The following HS1BP3 variants were observed in gnomAD, a reference collection of about 807,000 sequenced individuals.
HS1BP3 encodes the protein HCLS1-binding protein 3.
HS1BP3 carries 32 observed loss-of-function variants against 33.5 expected under a neutral mutation model. That is an observed-to-expected ratio of 0.95 (90% CI 0.72 to 1.28). HS1BP3 has a LOEUF of 1.28. Among genes scored for constraint, HS1BP3 ranks in the 50% most tolerant of loss-of-function variants. The pLI, the probability that HS1BP3 is intolerant of heterozygous loss-of-function variation, is 0.00. For missense variants in HS1BP3, 486 were observed against 502.3 expected (o/e 0.97, Z 0.31); for synonymous variants, 187 against 209.2 (o/e 0.89, Z 0.92).
intron 4 of HS1BP3, chr2:20,637,277 A>G (rs1695165896): frequency 6.6e-6 from 1 of 152,250 alleles, no homozygotes; most frequent in Admixed American, 6.5e-5. Context: ...GAGTTCAAAC[A>G]AAGCCTCACC....
At chr2:20,642,730 A>G (rs1054512196) in intron 2 of HS1BP3, among the ~76,000 whole-genome samples, 3 of 152,240 alleles carry the variant, frequency 2.0e-5, no homozygotes, top group Non-Finnish European at 4.4e-5. Context: ...TCAGGGGTTC[A>G]GGCAGGGCTT....
chr2:20,561,344 A>G (rs1336283748), intron 5 of HS1BP3, among the ~76,000 whole-genome samples: 1 of 152,242 alleles, frequency 6.6e-6, no homozygotes, highest in Non-Finnish European at 1.5e-5. Context: ...GGGCCTGCAG[A>G]GAACAGCTGC....
chr2:20,631,962 GC>G (rs1694982887), intron 4 of HS1BP3, among the ~76,000 whole-genome samples: 2 of 152,206 alleles, frequency 1.3e-5, no homozygotes, highest in Non-Finnish European at 2.9e-5. Context: ...AGCCTCTGCA[GC>G]AGTCAGCCCC....
rs564802000 is a variant in HS1BP3 at position 20,580,906 on chromosome 2, T to C, written c.303-20391A>G. Among the ~76,000 whole-genome samples the C allele has an allele frequency of 3.3e-5, 5 of 152,368 alleles. No homozygotes were observed. The South Asian group carries it at 1.0e-3, about 32-fold the overall frequency. ...ATGGACCATGTGAACAAGAGTCCCA[T>C]GCCTGCTGAACTCACACCACGGATA... On this transcript the variant is annotated intron_variant, in intron 5 of 5. Transcript: ENST00000446825.
At chr2:20,564,036 G>A (rs1693066049) in intron 5 of HS1BP3, among the ~76,000 whole-genome samples, 1 of 152,198 alleles carries the variant, frequency 6.6e-6, no homozygotes, top group Non-Finnish European at 1.5e-5. Context: ...GACGGGAATA[G>A]GAAAAGGAGG....
chr2:20,588,547 C>G (rs13424119), downstream of HS1BP3, among the ~76,000 whole-genome samples: 1 of 152,064 alleles, frequency 6.6e-6, no homozygotes, highest in African/African-American at 2.4e-5. Context: ...CTCGAATTCC[C>G]GACCTGAAGT....
chr2:20,555,230 A>G, the HS1BP3 span, among the ~76,000 whole-genome samples: 1 of 152,222 alleles, frequency 6.6e-6, no homozygotes, highest in Non-Finnish European at 1.5e-5. Flanking sequence ...TTGTTTTTTC[A>G]TCTCTGTTGA....
chr2:20,603,315 G>GA (rs1464543360), intron 2 of HS1BP3, among the ~76,000 whole-genome samples: 1 of 152,112 alleles, frequency 6.6e-6, no homozygotes, highest in African/African-American at 2.4e-5. Flanking sequence ...GCCAAAAGGT[G>GA]AAAAAAAGCC....
chr2:20,597,238 G>A (rs894368931), intron 3 of HS1BP3, among the ~76,000 whole-genome samples: 3 of 152,160 alleles, frequency 2.0e-5, no homozygotes, highest in Non-Finnish European at 4.4e-5. Context: ...TAGGACTTTG[G>A]AGCAAAAGGT....
chr2:20,640,670 C>T (rs1368942501), intron 3 of HS1BP3: 19 of 575,268 alleles, frequency 3.3e-5, no homozygotes, highest in African/African-American at 1.3e-4. Context: ...CATGGTCAGT[C>T]GGGGGGTGTC....
chr2:20,590,371 G>A (rs764521625), downstream of HS1BP3, among the ~76,000 whole-genome samples: 1 of 152,134 alleles, frequency 6.6e-6, no homozygotes, highest in Non-Finnish European at 1.5e-5. Flanking sequence ...GTTCTTTACT[G>A]AGGCTGGAGT....
At chr2:20,648,922 C>T (rs975479946) in intron 1 of HS1BP3, among the ~76,000 whole-genome samples, 1 of 152,222 alleles carries the variant, frequency 6.6e-6, no homozygotes, top group Non-Finnish European at 1.5e-5. Flanking sequence ...CTTGTTCTCA[C>T]ACCCCATATC....
chr2:20,563,779 A>G (rs1693058795), intron 5 of HS1BP3, among the ~76,000 whole-genome samples: 1 of 152,046 alleles, frequency 6.6e-6, no homozygotes, highest in Non-Finnish European at 1.5e-5. Flanking sequence ...ATTGGTAGCT[A>G]CAGCTTTGTT....
intron 4 of HS1BP3, chr2:20,636,331 G>C (rs1695129425): frequency 6.6e-6 from 1 of 152,366 alleles, no homozygotes; most frequent in South Asian, 2.1e-4. Context: ...CCAAGATCCT[G>C]CTCAACTCCT....
chr2:20,619,960 ACT>A (rs773087903), intron 6 of HS1BP3, among the ~76,000 whole-genome samples: 222 of 152,180 alleles, frequency 1.5e-3, no homozygotes, highest in Middle Eastern at 0.014. Flanking sequence ...GCCCACCAAG[ACT>A]CTGTCATGAC....
intron 2 of HS1BP3, 80 bp downstream of exon 2, chr2:20,645,260 T>G: frequency 1.4e-6 from 2 of 1,445,456 alleles, no homozygotes; most frequent in Non-Finnish European, 1.9e-6. Context: ...GGATGCTACT[T>G]GAACCCTGGT....
At chr2:20,616,920 G>C (rs1694439688), downstream of HS1BP3, among the ~76,000 whole-genome samples, 1 of 152,172 alleles carries the variant, frequency 6.6e-6, no homozygotes, top group African/African-American at 2.4e-5. Flanking sequence ...ACAAGCCACA[G>C]ATACTGGAGC....
chr2:20,642,368 G>GA (rs1695380251), intron 2 of HS1BP3, among the ~76,000 whole-genome samples: 4 of 151,882 alleles, frequency 2.6e-5, no homozygotes, highest in Admixed American at 1.3e-4. Flanking sequence ...CAGCTGGGGG[G>GA]ATTTCAGAAC....
intron 2 of HS1BP3, among the ~76,000 whole-genome samples, chr2:20,602,029 G>A (rs529632023): frequency 2.3e-4 from 35 of 151,614 alleles, no homozygotes; most frequent in Non-Finnish European, 3.4e-4. Flanking sequence ...TGTGTGTGGC[G>A]AAACTGTTGG....
Sources: allele counts gnomAD v4.1 joint callset (sites outside exome capture counted in the v4.1 genomes callset), GRCh38; gene constraint gnomAD v4.1.1; transcripts MANE v1.5; gene names NCBI Gene and HGNC (gene_info 2026-07-23, HGNC 2026-07-21).